CDH18: variants seen among roughly 807,000 people sequenced by gnomAD.
The protein encoded by CDH18 is cadherin 18, also known as cadherin-18.
A neutral mutation model predicts 67.9 loss-of-function variants in CDH18; 31 were observed. That is an observed-to-expected ratio of 0.46 (90% CI 0.34 to 0.62). The LOEUF (loss-of-function observed/expected upper bound fraction) is 0.62, where lower values mean the gene tolerates loss of function less well. Among genes scored for constraint, CDH18 ranks in the 20% least tolerant of loss-of-function variants. The pLI is 0.01. For missense variants in CDH18, 890 were observed against 975.5 expected, an observed-to-expected ratio of 0.91 and a Z score of 1.17; for synonymous variants, 362 against 347.2, an observed-to-expected ratio of 1.04 and a Z score of -0.48.
chr5:19,572,201 G>T (rs1196878998), intron 7 of CDH18, among the ~76,000 whole-genome samples: 1 of 152,174 alleles, frequency 6.6e-6, no homozygotes, highest in Non-Finnish European at 1.5e-5. Context: ...TGATATAAAA[G>T]GCTGTGTGAA....
At chr5:19,858,671 T>C (rs1026025815) in intron 2 of CDH18, among the ~76,000 whole-genome samples, 4 of 152,192 alleles carry the variant, frequency 2.6e-5, no homozygotes, top group Middle Eastern at 3.2e-3. Context: ...TGTTTTAAGT[T>C]ATACTATATC....
At chr5:20,173,297 C>A (rs1180038569) in intron 2 of CDH18, among the ~76,000 whole-genome samples, 1 of 152,058 alleles carries the variant, frequency 6.6e-6, no homozygotes, top group Non-Finnish European at 1.5e-5. Flanking sequence ...ATGTATACAT[C>A]AAGGAAACTA....
chr5:19,575,212 G>A (rs966044535), intron 7 of CDH18, among the ~76,000 whole-genome samples: 1 of 152,140 alleles, frequency 6.6e-6, no homozygotes, highest in Non-Finnish European at 1.5e-5. Context: ...AAGAAACATA[G>A]TTGTAGAAAA....
intron 5 of CDH18, among the ~76,000 whole-genome samples, chr5:19,631,695 C>A (rs1186779626): frequency 6.6e-6 from 1 of 151,976 alleles, no homozygotes; most frequent in Non-Finnish European, 1.5e-5. Flanking sequence ...AGATATTAAC[C>A]ATCACCCAAT....
chr5:19,488,785 G>GTA (rs1740809263), intron 11 of CDH18, among the ~76,000 whole-genome samples: 1 of 152,158 alleles, frequency 6.6e-6, no homozygotes. Flanking sequence ...AATATATCTT[G>GTA]TAACACTTCA....
chr5:20,118,254 T>C (rs544600395), intron 2 of CDH18, among the ~76,000 whole-genome samples: 4 of 152,278 alleles, frequency 2.6e-5, no homozygotes, highest in Admixed American at 1.3e-4. Flanking sequence ...TATGTGATAG[T>C]ATTCAGGTTT....
chr5:20,227,433 C>T (rs1167883350), intron 2 of CDH18, among the ~76,000 whole-genome samples: 1 of 152,038 alleles, frequency 6.6e-6, no homozygotes, highest in African/African-American at 2.4e-5. Context: ...GTTTCATAAA[C>T]ACACAAAGAT....
chr5:20,405,915 T>C (rs1306879299), intron 1 of CDH18, among the ~76,000 whole-genome samples: 5 of 152,098 alleles, frequency 3.3e-5, no homozygotes, highest in Non-Finnish European at 7.3e-5. Flanking sequence ...ATGGCGATCA[T>C]TAAAAAGTCA....
intron 2 of CDH18, among the ~76,000 whole-genome samples, chr5:20,056,778 G>A (rs1327195250): frequency 4.3e-4 from 64 of 147,608 alleles, no homozygotes; most frequent in Non-Finnish European, 8.5e-4. Context: ...CCACCTCCCG[G>A]GTTCACGCCA....
chr5:20,456,628 A>G (rs1231351918), intron 1 of CDH18, among the ~76,000 whole-genome samples: 1 of 152,188 alleles, frequency 6.6e-6, no homozygotes. Flanking sequence ...AATTTTCATA[A>G]TGAATCACAT....
At chr5:19,594,712 A>G (rs1292458938) in intron 6 of CDH18, among the ~76,000 whole-genome samples, 1 of 152,134 alleles carries the variant, frequency 6.6e-6, no homozygotes, top group Middle Eastern at 3.2e-3. Context: ...TTCCACATAT[A>G]TTTTAGAATT....
chr5:20,554,684 C>T (rs1373445384), intron 1 of CDH18, among the ~76,000 whole-genome samples: 1 of 152,140 alleles, frequency 6.6e-6, no homozygotes, highest in Non-Finnish European at 1.5e-5. Flanking sequence ...AAGGGGGAAT[C>T]GAATTCTTTT....
intron 2 of CDH18, among the ~76,000 whole-genome samples, chr5:19,959,214 G>A (rs1000596132): frequency 2.0e-5 from 3 of 151,970 alleles, no homozygotes; most frequent in African/African-American, 7.3e-5. Context: ...ATTTTACTGG[G>A]CTTAATATTC....
At chr5:20,553,776 C>T (rs1354907757) in intron 1 of CDH18, among the ~76,000 whole-genome samples, 2 of 152,090 alleles carry the variant, frequency 1.3e-5, no homozygotes, top group Non-Finnish European at 2.9e-5. Context: ...GAAAAAATTA[C>T]TTGTACTAAT....
rs138131625 is a variant in CDH18, at chr5:19,627,846, A to G, written c.644-15245T>C. On this transcript the variant is annotated intron_variant, in intron 5 of 12. Coordinates refer to ENST00000382275, the MANE Select transcript of CDH18 (RefSeq NM_004934.5). Reference sequence around the variant, plus strand: ...TTTCAGGTACATTCATGGGACCAGAATATCTAAGGTAAAAGTAACAGAAAG... The same window carrying G: ...TTTCAGGTACATTCATGGGACCAGAGTATCTAAGGTAAAAGTAACAGAAAG... Among the ~76,000 whole-genome samples the G allele has an allele frequency of 2.0e-3, 301 of 152,284 alleles. 1 individual carries two copies. The Middle Eastern group carries it at 0.024, about 12-fold the overall frequency.
intron 1 of CDH18, among the ~76,000 whole-genome samples, chr5:20,411,558 T>C (rs1746777339): frequency 6.6e-6 from 1 of 151,544 alleles, no homozygotes; most frequent in South Asian, 2.1e-4. Flanking sequence ...ATTTCCTGCA[T>C]AACACATAAC....
rs1754185626 is a variant in CDH18, at chr5:20,500,379, T to C, written c.-580+75083A>G. Among the ~76,000 whole-genome samples, 4 of 152,288 alleles carry C rather than the reference T, an allele frequency of 2.6e-5. No individual in the cohort carries two copies. The South Asian group carries it at 8.3e-4, about 32-fold the overall frequency. ...ACTTGCACATCCTTCTAACAAATGC[T>C]GGGTTTCAAGGAAACAAATTCTAAT... On this transcript the variant is annotated intron_variant, in intron 1 of 14. Transcript: ENST00000507958.
chr5:20,299,426 ACACACAC>A (rs1747784297), intron 1 of CDH18, among the ~76,000 whole-genome samples: 1 of 151,508 alleles, frequency 6.6e-6, no homozygotes, highest in African/African-American at 2.4e-5. Context: ...ACACACACAC[ACACACAC>A]ACACACACAC....
chr5:19,499,784 A>G (rs1742939073), intron 11 of CDH18, among the ~76,000 whole-genome samples: 1 of 152,080 alleles, frequency 6.6e-6, no homozygotes. Context: ...TATCATGAAC[A>G]ACAACATGCA....
Sources: allele counts gnomAD v4.1 joint callset (sites outside exome capture counted in the v4.1 genomes callset), GRCh38; gene constraint gnomAD v4.1.1; transcripts MANE v1.5; gene names NCBI Gene and HGNC (gene_info 2026-07-23, HGNC 2026-07-21).